AP1S3: variants seen among roughly 807,000 people sequenced by gnomAD.
AP1S3 encodes the protein AP-1 complex subunit sigma-3.
In AP1S3, 10 loss-of-function variants were observed where a neutral mutation model predicts 20.9. The observed-to-expected ratio is 0.48, with a 90% CI of 0.29 to 0.81. The LOEUF (loss-of-function observed/expected upper bound fraction) is 0.81, where lower values mean the gene tolerates loss of function less well. Among genes scored for constraint, AP1S3 ranks in the 30% least tolerant of loss-of-function variants. The pLI is 0.08. For missense variants in AP1S3, 154 were observed against 183.8 expected, an observed-to-expected ratio of 0.84 and a Z score of 0.94; for synonymous variants, 41 against 61.5, an observed-to-expected ratio of 0.67 and a Z score of 1.56.
chr2:223,793,797 C>T (rs1275042483), intron 1 of AP1S3, among the ~76,000 whole-genome samples: 3 of 152,038 alleles, frequency 2.0e-5, no homozygotes, highest in Admixed American at 1.3e-4. Context: ...CCCACCACCA[C>T]CTAATACGTT....
chr2:223,818,887 T>C (rs1054203369), intron 1 of AP1S3, among the ~76,000 whole-genome samples: 12 of 152,222 alleles, frequency 7.9e-5, no homozygotes, highest in African/African-American at 2.4e-4. Flanking sequence ...CCAGAAATCC[T>C]GAAGGACCAC....
chr2:223,765,000 G>T, intron 4 of AP1S3: 1 of 556,092 alleles, frequency 1.8e-6, no homozygotes, highest in Non-Finnish European at 2.9e-6. Context: ...ACCTCTTGGT[G>T]TCTCAGTTTA....
chr2:223,758,880 T>C (rs1446870168), intron 4 of AP1S3, 130 bp from the exon 5 acceptor site: 2 of 753,690 alleles, frequency 2.7e-6, no homozygotes, highest in South Asian at 2.3e-5. Flanking sequence ...TACATGGATA[T>C]AAAATCTTTG....
At position 223,775,972 on chromosome 2, in the gene AP1S3, G is replaced by T. The variant is rs368798648; in HGVS notation, c.220C>A (p.Gln74Lys). Residue 74 changes from glutamine (Q) to lysine (K), a missense_variant, in exon 3 of 5, where the codon CAG becomes AAG. Physicochemically the swap from Gln to Lys is moderately conservative, Grantham distance 53. Coordinates refer to ENST00000396654, the MANE Select transcript of AP1S3 (RefSeq NM_001039569.2). Reference protein sequence around the residue: ...SLYFCCAIENQDNELLTLEIV... With the variant: ...SLYFCCAIENKDNELLTLEIV... ...TCTAGCGTCAAGAGCTCATTGTCCT[G>T]ATTTTCTATTGCACAGCAAAAATAT... The T allele has an allele frequency of 2.5e-5, 40 of 1,613,924 alleles. No individual in the cohort carries two copies. Among genetic ancestry groups the T allele is most frequent in the Non-Finnish European group, 3.3e-5 (39 of 1,179,990 alleles).
intron 1 of AP1S3, among the ~76,000 whole-genome samples, chr2:223,791,027 A>T (rs1298581231): frequency 6.6e-6 from 1 of 152,226 alleles, no homozygotes; most frequent in Non-Finnish European, 1.5e-5. Context: ...AAGTTGAGAC[A>T]GTAACAAACA....
At chr2:223,821,057 C>T (rs946898269) in intron 1 of AP1S3, among the ~76,000 whole-genome samples, 1 of 152,244 alleles carries the variant, frequency 6.6e-6, no homozygotes, top group Admixed American at 6.5e-5. Flanking sequence ...GAGAAACCCT[C>T]TATTTAGAAT....
At chr2:223,799,496 A>G (rs932598886) in intron 1 of AP1S3, among the ~76,000 whole-genome samples, 1 of 152,218 alleles carries the variant, frequency 6.6e-6, no homozygotes, top group East Asian at 1.9e-4. Context: ...GCAATCCACC[A>G]TATATCTCTG....
intron 4 of AP1S3, among the ~76,000 whole-genome samples, chr2:223,761,822 C>G (rs547453060): frequency 6.6e-6 from 1 of 152,304 alleles, no homozygotes; most frequent in African/African-American, 2.4e-5. Flanking sequence ...CTGGGACTCC[C>G]AAAGTGCTGG....
intron 1 of AP1S3, among the ~76,000 whole-genome samples, chr2:223,778,651 G>T (rs1396944328): frequency 6.6e-6 from 1 of 151,644 alleles, no homozygotes; most frequent in African/African-American, 2.4e-5. Flanking sequence ...AGGAAGTGAG[G>T]CTGAAGCAAG....
At chr2:223,762,289 T>TGAGA (rs1690374547) in intron 4 of AP1S3, among the ~76,000 whole-genome samples, 1 of 142,092 alleles carries the variant, frequency 7.0e-6, no homozygotes, top group East Asian at 2.2e-4. Flanking sequence ...TTTTTTTTTT[T>TGAGA]TGAGATGGAG....
chr2:223,759,603 A>T (rs143600592), intron 4 of AP1S3, among the ~76,000 whole-genome samples: 8 of 152,342 alleles, frequency 5.3e-5, no homozygotes, highest in African/African-American at 1.9e-4. Context: ...TTCCTCCCAA[A>T]GTATACAAAT....
chr2:223,833,882 T>TTTTTTTTATTTA (rs111733279), intron 1 of AP1S3, among the ~76,000 whole-genome samples: 4 of 145,940 alleles, frequency 2.7e-5, no homozygotes, highest in African/African-American at 7.6e-5. Context: ...TTTACACTCT[T>TTTTTTTTATTTA]TTTATTTATT....
At chr2:223,784,338 T>C (rs1451765047) in intron 1 of AP1S3, among the ~76,000 whole-genome samples, 2 of 152,092 alleles carry the variant, frequency 1.3e-5, no homozygotes, top group African/African-American at 4.8e-5. Flanking sequence ...GAGGAGAGGA[T>C]AAAAGCCATG....
chr2:223,770,280 C>T, intron 3 of AP1S3: 1 of 1,550,526 alleles, frequency 6.4e-7, no homozygotes, highest in Non-Finnish European at 8.7e-7. Context: ...GACCAGGAAT[C>T]CAAGACAGAC....
At chr2:223,827,682 G>C (rs1443617623) in intron 1 of AP1S3, among the ~76,000 whole-genome samples, 1 of 151,702 alleles carries the variant, frequency 6.6e-6, no homozygotes, top group East Asian at 1.9e-4. Context: ...CACTATGCCC[G>C]GCCGATTTTG....
chr2:223,796,632 T>C (rs1691344115), intron 1 of AP1S3, among the ~76,000 whole-genome samples: 1 of 152,144 alleles, frequency 6.6e-6, no homozygotes, highest in Non-Finnish European at 1.5e-5. Context: ...GGGTTCCCCA[T>C]TTTTTCACTT....
At chr2:223,791,035 A>C (rs1403634401) in intron 1 of AP1S3, among the ~76,000 whole-genome samples, 1 of 152,206 alleles carries the variant, frequency 6.6e-6, no homozygotes, top group Non-Finnish European at 1.5e-5. Flanking sequence ...ACAGTAACAA[A>C]CAACCTACCA....
chr2:223,759,137 G>A (rs1338884771), intron 4 of AP1S3, among the ~76,000 whole-genome samples: 6 of 152,232 alleles, frequency 3.9e-5, no homozygotes, highest in South Asian at 2.1e-4. Context: ...AAAATTACCC[G>A]AGTGTGGTGG....
intron 1 of AP1S3, among the ~76,000 whole-genome samples, chr2:223,819,874 AT>A: frequency 6.6e-6 from 1 of 152,266 alleles, no homozygotes; most frequent in Non-Finnish European, 1.5e-5. Flanking sequence ...ATACTATTAT[AT>A]TCACTGGTTA....
Sources: allele counts gnomAD v4.1 joint callset (sites outside exome capture counted in the v4.1 genomes callset), GRCh38; gene constraint gnomAD v4.1.1; transcripts MANE v1.5; gene names NCBI Gene and HGNC (gene_info 2026-07-23, HGNC 2026-07-21).